GMDS: variants seen among roughly 807,000 people sequenced by gnomAD.
GMDS encodes the protein GDP-mannose 4,6-dehydratase, also known as GDP-mannose 4,6 dehydratase.
Under a neutral mutation model 49.9 loss-of-function variants are expected in GMDS, and 20 were observed. That is an observed-to-expected ratio of 0.40 (90% confidence interval 0.28 to 0.58). GMDS has a LOEUF of 0.58. Ranked by LOEUF, GMDS falls within the 20% of genes least tolerant of loss-of-function variation. The probability of loss-of-function intolerance (pLI) is 0.42; values close to 1 mark genes in which losing one functional copy is unlikely to be tolerated. For synonymous variants in GMDS, 177 were observed against 178.6 expected (o/e 0.99, Z 0.07); for missense variants, 362 against 481.4 (o/e 0.75, Z 2.32).
At chr6:2,167,237 C>T (rs1193036898) in intron 1 of GMDS, among the ~76,000 whole-genome samples, 1 of 152,142 alleles carries the variant, frequency 6.6e-6, no homozygotes, top group African/African-American at 2.4e-5. Flanking sequence ...TCACTTAAGG[C>T]AAAATGGGAA....
At position 1,992,093 on chromosome 6, in the gene GMDS, C is replaced by A. The variant is rs544264659; in HGVS notation, c.346-31127G>T. ...TCCAGAATGGTGAGACAATAAATGCCTTTTGTTTAAGCCACACAGTGTGTG... is the reference window on the plus strand; with the variant it reads ...TCCAGAATGGTGAGACAATAAATGCATTTTGTTTAAGCCACACAGTGTGTG... On this transcript the variant is annotated intron_variant, in intron 4 of 10. Coordinates refer to ENST00000380815, the MANE Select transcript of GMDS (RefSeq NM_001500.4). 5.3e-5 allele frequency among the ~76,000 whole-genome samples: 8 copies of A among 152,348 alleles called. No individual in the cohort carries two copies. The South Asian group carries it at 1.7e-3, about 32-fold the overall frequency.
At chr6:1,738,559 C>T (rs1020993569) in intron 8 of GMDS, among the ~76,000 whole-genome samples, 2 of 152,162 alleles carry the variant, frequency 1.3e-5, no homozygotes, top group Non-Finnish European at 2.9e-5. Flanking sequence ...GACAGCAGAG[C>T]TTAGAATAGC....
chr6:1,761,802 G>C (rs1165620104), intron 7 of GMDS, among the ~76,000 whole-genome samples: 1 of 152,100 alleles, frequency 6.6e-6, no homozygotes, highest in Non-Finnish European at 1.5e-5. Flanking sequence ...ACAATGAAAA[G>C]CAAGAGTCCT....
At chr6:1,700,959 T>C (rs1322999209) in intron 9 of GMDS, among the ~76,000 whole-genome samples, 1 of 152,254 alleles carries the variant, frequency 6.6e-6, no homozygotes, top group Admixed American at 6.5e-5. Flanking sequence ...ATCATAACAG[T>C]GAAGTGCAAA....
chr6:1,690,382 G>A (rs1348390908), intron 9 of GMDS, among the ~76,000 whole-genome samples: 1 of 152,112 alleles, frequency 6.6e-6, no homozygotes, highest in African/African-American at 2.4e-5. Context: ...AATCCATCTT[G>A]AGTTAATTTC....
intron 9 of GMDS, chr6:1,680,028 A>C (rs1052715356): frequency 1.3e-5 from 2 of 152,258 alleles, no homozygotes; most frequent in African/African-American, 4.8e-5. Context: ...AGCCACATTG[A>C]ACAAATACCT....
At chr6:2,049,066 G>C (rs1562005446) in intron 4 of GMDS, among the ~76,000 whole-genome samples, 1 of 152,322 alleles carries the variant, frequency 6.6e-6, no homozygotes, top group Non-Finnish European at 1.5e-5. Flanking sequence ...GACAAGGAAG[G>C]AAGCGAGCCC....
chr6:2,228,818 C>CT (rs1225698291), intron 1 of GMDS, among the ~76,000 whole-genome samples: 1 of 152,160 alleles, frequency 6.6e-6, no homozygotes, highest in Non-Finnish European at 1.5e-5. Flanking sequence ...CAATACCCCC[C>CT]GTTGACAGCT....
chr6:2,016,258 CAAAA>C (rs747956143), intron 4 of GMDS, among the ~76,000 whole-genome samples: 1 of 105,558 alleles, frequency 9.5e-6, no homozygotes, highest in Admixed American at 1.0e-4. Flanking sequence ...GGCTCGGTCT[CAAAA>C]AAAAAAAAAA....
intron 9 of GMDS, among the ~76,000 whole-genome samples, chr6:1,683,001 G>A (rs533807603): frequency 1.3e-5 from 2 of 152,356 alleles, no homozygotes; most frequent in East Asian, 3.9e-4. Flanking sequence ...CTGGGTCATG[G>A]AGACGGGGTA....
intron 4 of GMDS, among the ~76,000 whole-genome samples, chr6:2,029,082 G>C (rs1319949007): frequency 1.3e-5 from 2 of 150,694 alleles, no homozygotes; most frequent in Non-Finnish European, 3.0e-5. Flanking sequence ...AATTATATAT[G>C]TTTAAGAACT....
At chr6:1,777,742 G>C (rs1279371554) in intron 7 of GMDS, among the ~76,000 whole-genome samples, 1 of 152,170 alleles carries the variant, frequency 6.6e-6, no homozygotes, top group Non-Finnish European at 1.5e-5. Context: ...TTTCTTCTTC[G>C]GGGGATGGAG....
chr6:1,893,773 T>C (rs1360621924), intron 7 of GMDS, among the ~76,000 whole-genome samples: 2 of 151,732 alleles, frequency 1.3e-5, no homozygotes, highest in Non-Finnish European at 2.9e-5. Flanking sequence ...GGGGTGGAGG[T>C]GAAAGGAGAG....
chr6:1,877,827 T>A (rs994243653), intron 7 of GMDS, among the ~76,000 whole-genome samples: 3 of 152,112 alleles, frequency 2.0e-5, no homozygotes, highest in Non-Finnish European at 2.9e-5. Flanking sequence ...TTCTGAGAGA[T>A]GCTTCATTTG....
At chr6:1,983,711 C>CA (rs1227050436) in intron 4 of GMDS, among the ~76,000 whole-genome samples, 1 of 152,080 alleles carries the variant, frequency 6.6e-6, no homozygotes, top group Non-Finnish European at 1.5e-5. Context: ...TTTAAAATGT[C>CA]AAAAAACAAC....
chr6:1,799,194 G>C (rs1002563724), intron 7 of GMDS, among the ~76,000 whole-genome samples: 3 of 152,190 alleles, frequency 2.0e-5, no homozygotes, highest in African/African-American at 7.2e-5. Flanking sequence ...GGTGCGGGTG[G>C]TGAGGGGAGG....
rs928080813 is a variant in GMDS, at chr6:1,744,788, G to C, written c.772-2202C>G. 2.5e-4 allele frequency among the ~76,000 whole-genome samples: 38 copies of C among 152,374 alleles called. 1 individual carries two copies. The highest frequency in any genetic ancestry group is 7.3e-5 in the Non-Finnish European group (5 of 68,036). ...CCTGGAACACCCTGTCTCCTCATCT[G>C]TCTGGGAATGCTGACCTCTCTCTAG... On this transcript the variant is annotated intron_variant, in intron 7 of 10. Transcript: ENST00000380815.
intron 4 of GMDS, among the ~76,000 whole-genome samples, chr6:1,985,385 A>ATT (rs11409375): frequency 7.3e-5 from 11 of 151,570 alleles, no homozygotes; most frequent in East Asian, 3.9e-4. Context: ...TTGCAAACCG[A>ATT]TTTTTTTTTA....
rs1766662110 is a variant in GMDS at position 1,728,268 on chromosome 6, G to C, written c.891-1756C>G. Among the ~76,000 whole-genome samples, 2 of 152,114 alleles carry C rather than the reference G, an allele frequency of 1.3e-5. 1 individual carries two copies. The highest frequency in any genetic ancestry group is 4.1e-4 in the South Asian group (2 of 4,828). On this transcript the variant is annotated intron_variant, in intron 8 of 10. Coordinates refer to ENST00000380815, the MANE Select transcript of GMDS (RefSeq NM_001500.4). ...TAACTATCTAATTCTAAAGTTAATT[G>C]TTTAAGTAGAACCTTTTAAAAAAAT...
Sources: gnomAD v4.1 joint callset for allele counts (sites outside exome capture counted in the v4.1 genomes callset) on GRCh38, gnomAD v4.1.1 for gene constraint, MANE v1.5 for transcripts, NCBI Gene and HGNC (gene_info 2026-07-23, HGNC 2026-07-21) for gene names.